ARHGAP32: variants seen among roughly 807,000 people sequenced by gnomAD.
ARHGAP32 encodes the protein rho GTPase-activating protein 32.
Under a neutral mutation model 186.5 loss-of-function variants are expected in ARHGAP32, and 51 were observed. The observed-to-expected ratio is 0.27, with a 90% CI of 0.22 to 0.35. The LOEUF (loss-of-function observed/expected upper bound fraction) is 0.35. Among genes scored for constraint, ARHGAP32 ranks in the 10% least tolerant of loss-of-function variants. The probability of loss-of-function intolerance (pLI) is 1.00; values close to 1 mark genes in which losing one functional copy is unlikely to be tolerated. For missense variants in ARHGAP32, 2,186 were observed against 2,623.5 expected (o/e 0.83, Z 3.64); for synonymous variants, 950 against 964.3 (o/e 0.99, Z 0.27).
intron 2 of ARHGAP32, among the ~76,000 whole-genome samples, chr11:129,152,465 A>G (rs1943309298): frequency 6.6e-6 from 1 of 152,206 alleles, no homozygotes; most frequent in African/African-American, 2.4e-5. Context: ...TCCCTGAGGA[A>G]CACAGATACA....
At chr11:129,205,545 T>G (rs569577381) in intron 1 of ARHGAP32, among the ~76,000 whole-genome samples, 35 of 152,138 alleles carry the variant, frequency 2.3e-4, no homozygotes, top group Admixed American at 5.2e-4. Context: ...CTATGTGAAC[T>G]TGCACAAGTC....
intron 1 of ARHGAP32, among the ~76,000 whole-genome samples, chr11:129,224,768 CA>C (rs57944399): frequency 3.6e-3 from 371 of 104,258 alleles, no homozygotes; most frequent in African/African-American, 0.013. Flanking sequence ...TTGGCTAGAG[CA>C]AAAAAAAAAA....
At chr11:129,051,826 GC>G (rs1279607795) in intron 10 of ARHGAP32, among the ~76,000 whole-genome samples, 7 of 143,332 alleles carry the variant, frequency 4.9e-5, no homozygotes, top group Admixed American at 1.5e-4. Flanking sequence ...GTGGTGGCCT[GC>G]GCCTGTAGTC....
intron 2 of ARHGAP32, among the ~76,000 whole-genome samples, chr11:129,128,796 G>A (rs1345672718): frequency 2.6e-5 from 4 of 152,212 alleles, no homozygotes; most frequent in Admixed American, 6.5e-5. Context: ...TGTTGGCCGG[G>A]CTGGTCTCCA....
At chr11:129,209,180 G>A (rs1337520625) in intron 1 of ARHGAP32, among the ~76,000 whole-genome samples, 1 of 152,102 alleles carries the variant, frequency 6.6e-6, no homozygotes. Context: ...CCTATTTAGA[G>A]ATTTATTTTG....
chr11:129,125,002 A>T, intron 2 of ARHGAP32, 108 bp from the exon 3 acceptor site: 1 of 634,302 alleles, frequency 1.6e-6, no homozygotes, highest in Non-Finnish European at 2.6e-6. Flanking sequence ...TTACCTACAA[A>T]ATATATCTTG....
intron 11 of ARHGAP32, among the ~76,000 whole-genome samples, chr11:129,025,930 T>C (rs1938825468): frequency 6.7e-6 from 1 of 150,296 alleles, no homozygotes; most frequent in South Asian, 2.1e-4. Flanking sequence ...TTACTTGACA[T>C]ATATATTTAA....
At chr11:129,112,161 T>C (rs1476272277) in intron 5 of ARHGAP32, among the ~76,000 whole-genome samples, 1 of 152,004 alleles carries the variant, frequency 6.6e-6, no homozygotes, top group Non-Finnish European at 1.5e-5. Context: ...GAGAATTGTT[T>C]GAACCCAGGA....
At chr11:129,226,349 A>G (rs1241768315) in intron 1 of ARHGAP32, among the ~76,000 whole-genome samples, 2 of 152,154 alleles carry the variant, frequency 1.3e-5, no homozygotes. Flanking sequence ...CAAACTATCC[A>G]AAGACAAAGC....
At chr11:129,163,329 G>T (rs528471384) in intron 2 of ARHGAP32, among the ~76,000 whole-genome samples, 1 of 152,178 alleles carries the variant, frequency 6.6e-6, no homozygotes, top group African/African-American at 2.4e-5. Flanking sequence ...CACAAAAGAA[G>T]AATTTCTTCA....
At chr11:129,079,673 A>C (rs554377761) in intron 6 of ARHGAP32, among the ~76,000 whole-genome samples, 1 of 152,214 alleles carries the variant, frequency 6.6e-6, no homozygotes, top group Non-Finnish European at 1.5e-5. Flanking sequence ...CAGGGCCTAT[A>C]AAACAGTAAC....
At chr11:129,177,039 G>T (rs1401070367) in intron 1 of ARHGAP32, among the ~76,000 whole-genome samples, 34 of 148,952 alleles carry the variant, frequency 2.3e-4, no homozygotes, top group East Asian at 3.9e-4. Context: ...TAGACCGCTA[G>T]CAAGACTAAT....
intron 15 of ARHGAP32, 131 bp from the exon 16 acceptor site, chr11:128,982,067 T>TC (rs1351414427): frequency 9.8e-6 from 5 of 512,600 alleles, no homozygotes; most frequent in Non-Finnish European, 1.7e-5. Context: ...CCAAGAGAAC[T>TC]TTTTTTTCCT....
rs550484370 is a variant in ARHGAP32, at chr11:128,974,468, C to T, written c.2729G>A (p.Gly910Glu). 1.1e-5 allele frequency: 18 copies of T among 1,614,178 alleles called. No individual in the cohort carries two copies. The highest frequency in any genetic ancestry group is 1.7e-5 in the Admixed American group (1 of 60,030). Residue 910 changes from glycine to glutamate, a missense_variant, in exon 21 of 23, where the codon GGA becomes GAA. Gly to Glu is a moderately conservative substitution (Grantham distance 98). Transcript: ENST00000682385. ...AGAAGGTGATTTGCTTAATTTCCGT[C>T]CTATCTTCGGAGAGAAAGCATAGAC... The part of the protein sequence containing the change: ...KVVYAFSPKI[G>E]RKLSKSPSMS...
chr11:129,206,606 G>A (rs73019191), intron 1 of ARHGAP32, among the ~76,000 whole-genome samples: 7,979 of 152,088 alleles, frequency 0.052, 328 homozygotes, highest in Middle Eastern at 0.078. Flanking sequence ...TCTCTTTAAA[G>A]TTTCCCCTTC....
intron 1 of ARHGAP32, among the ~76,000 whole-genome samples, chr11:129,246,279 A>T (rs530487720): frequency 6.6e-6 from 1 of 152,312 alleles, no homozygotes; most frequent in South Asian, 2.1e-4. Flanking sequence ...AAACGTACCC[A>T]AATGTGGCAG....
At chr11:129,065,625 C>T (rs1940660958) in intron 7 of ARHGAP32, among the ~76,000 whole-genome samples, 1 of 152,068 alleles carries the variant, frequency 6.6e-6, no homozygotes, top group South Asian at 2.1e-4. Context: ...CAAAGAGATC[C>T]GTGTTTTAAG....
At chr11:129,259,474 C>CA (rs778608640) in intron 1 of ARHGAP32, among the ~76,000 whole-genome samples, 1 of 151,308 alleles carries the variant, frequency 6.6e-6, no homozygotes, top group African/African-American at 2.4e-5. Flanking sequence ...CACACACACA[C>CA]AAAAAAATAC....
At chr11:129,269,732 A>G (rs1429567587) in intron 1 of ARHGAP32, among the ~76,000 whole-genome samples, 3 of 152,228 alleles carry the variant, frequency 2.0e-5, no homozygotes, top group African/African-American at 4.8e-5. Context: ...AAAATTAAAA[A>G]TAAGTCATTT....
Sources: gnomAD v4.1 joint callset for allele counts (sites outside exome capture counted in the v4.1 genomes callset) on GRCh38, gnomAD v4.1.1 for gene constraint, MANE v1.5 for transcripts, NCBI Gene and HGNC (gene_info 2026-07-23, HGNC 2026-07-21) for gene names.